Variants in BCL2 observed in about 807,000 individuals in gnomAD.
BCL2 encodes BCL2 apoptosis regulator.
A neutral mutation model predicts 14.2 loss-of-function variants in BCL2; 1 was observed. The observed-to-expected ratio is 0.07, with a 90% CI of 0.02 to 0.33. The LOEUF is 0.33. BCL2 is among the 10% of genes least tolerant of loss of function. BCL2 has a pLI of 0.99. For missense variants in BCL2, 247 were observed against 305.9 expected (o/e 0.81, Z 1.44); for synonymous variants, 151 against 137.2 (o/e 1.10, Z -0.70).
chr18:63,206,160 G>A (rs774642190), intron 2 of BCL2, among the ~76,000 whole-genome samples: 1 of 152,198 alleles, frequency 6.6e-6, no homozygotes, highest in East Asian at 1.9e-4. Flanking sequence ...GGATGTGCTC[G>A]GTAAGTGTGC....
At chr18:63,265,812 A>C (rs1019443604) in intron 2 of BCL2, among the ~76,000 whole-genome samples, 4 of 152,204 alleles carry the variant, frequency 2.6e-5, no homozygotes, top group African/African-American at 9.6e-5. Context: ...TAATAAAGAA[A>C]ATCAAGATAG....
intron 2 of BCL2, among the ~76,000 whole-genome samples, chr18:63,161,170 C>T (rs1914911153): frequency 6.6e-6 from 1 of 152,074 alleles, no homozygotes; most frequent in Non-Finnish European, 1.5e-5. Flanking sequence ...TGCCTCACAC[C>T]CTCTCGTAAG....
At chr18:63,169,311 C>CTTT (rs1568222484) in intron 2 of BCL2, among the ~76,000 whole-genome samples, 3,222 of 32,880 alleles carry the variant, frequency 0.098, 102 homozygotes, top group Middle Eastern at 0.15. Flanking sequence ...TTTCTTTCTT[C>CTTT]CTTCCTTCCT....
In BCL2 at chr18:63,168,145, G is replaced by A. The variant is rs560500439; in HGVS notation, c.586-39386C>T. On this transcript the variant is annotated intron_variant, in intron 2 of 2. Coordinates refer to ENST00000333681, the MANE Select transcript of BCL2 (RefSeq NM_000633.3). ...CCTAAAGGCAGAGGGGCCTATTGGA[G>A]AATGTGTCAAGAGTGCCCATGCCTC... Among the ~76,000 whole-genome samples, 3 of 152,212 alleles carry A rather than the reference G, an allele frequency of 2.0e-5. No homozygotes were observed. The South Asian group carries it at 6.2e-4, about 32-fold the overall frequency.
At chr18:63,268,683 TGG>T (rs1911911298) in intron 2 of BCL2, among the ~76,000 whole-genome samples, 1 of 152,222 alleles carries the variant, frequency 6.6e-6, no homozygotes, top group African/African-American at 2.4e-5. Flanking sequence ...AACTTCATTT[TGG>T]AGGTTTGTTG....
At chr18:63,246,474 A>C (rs530523858) in intron 2 of BCL2, among the ~76,000 whole-genome samples, 4 of 152,210 alleles carry the variant, frequency 2.6e-5, no homozygotes, top group Non-Finnish European at 5.9e-5. Context: ...AACAAGAGAA[A>C]ATAACAGAAC....
At chr18:63,156,036 C>G (rs952971957) in intron 2 of BCL2, among the ~76,000 whole-genome samples, 2 of 119,640 alleles carry the variant, frequency 1.7e-5, no homozygotes, top group African/African-American at 3.1e-5. Context: ...GACCAGAGAT[C>G]ATTTTAGCCC....
At chr18:63,277,493 G>T (rs1368231543) in intron 2 of BCL2, among the ~76,000 whole-genome samples, 1 of 151,866 alleles carries the variant, frequency 6.6e-6, no homozygotes, top group Admixed American at 6.6e-5. Flanking sequence ...GCCAGTGCAG[G>T]GTCTCATGAC....
chr18:63,260,350 T>C (rs1054247448), intron 2 of BCL2, among the ~76,000 whole-genome samples: 1 of 152,222 alleles, frequency 6.6e-6, no homozygotes, highest in Non-Finnish European at 1.5e-5. Context: ...GCAATATCTT[T>C]TGGATCTCCA....
At chr18:63,170,349 T>C (rs532287805) in intron 2 of BCL2, among the ~76,000 whole-genome samples, 4 of 152,250 alleles carry the variant, frequency 2.6e-5, no homozygotes, top group Admixed American at 1.3e-4. Context: ...TACAATAATA[T>C]AGCAATGAGC....
intron 2 of BCL2, among the ~76,000 whole-genome samples, chr18:63,277,424 G>C (rs1489466148): frequency 2.7e-5 from 4 of 150,594 alleles, no homozygotes; most frequent in African/African-American, 7.3e-5. Flanking sequence ...CTCAAGGTTA[G>C]GCATTTGAGA....
At chr18:63,307,232 C>T (rs1913170743) in intron 2 of BCL2, among the ~76,000 whole-genome samples, 1 of 152,188 alleles carries the variant, frequency 6.6e-6, no homozygotes, top group Non-Finnish European at 1.5e-5. Flanking sequence ...TATCCCAACT[C>T]ATATTAAATT....
At chr18:63,192,954 C>T (rs1909327205) in intron 2 of BCL2, among the ~76,000 whole-genome samples, 2 of 152,204 alleles carry the variant, frequency 1.3e-5, no homozygotes, top group African/African-American at 4.8e-5. Flanking sequence ...ATCAATTCTA[C>T]AGCCATACTT....
intron 2 of BCL2, among the ~76,000 whole-genome samples, chr18:63,198,686 CAG>C (rs1288081296): frequency 2.5e-5 from 3 of 119,706 alleles, no homozygotes; most frequent in Non-Finnish European, 3.3e-5. Context: ...ACAACAGACA[CAG>C]ACACACACAC....
chr18:63,216,931 AC>A (rs1910223369), intron 2 of BCL2, among the ~76,000 whole-genome samples: 1 of 152,176 alleles, frequency 6.6e-6, no homozygotes, highest in African/African-American at 2.4e-5. Context: ...CATTCTGAGA[AC>A]TGCCTTTTGT....
At chr18:63,199,458 C>T (rs909062491) in intron 2 of BCL2, among the ~76,000 whole-genome samples, 6 of 151,228 alleles carry the variant, frequency 4.0e-5, no homozygotes, top group East Asian at 3.9e-4. Context: ...CAGAGACACA[C>T]GCAGACAAAT....
Position 63,127,558 on chromosome 18 carries a change from C to T in BCL2, c.*1067G>A, listed in dbSNP as rs1913943306. The T allele has an allele frequency of 4.3e-6, 1 of 231,250 alleles. No individual in the cohort carries two copies. The highest frequency in any genetic ancestry group is 5.7e-5 in the Admixed American group (1 of 17,692). 14.3% of individuals were successfully genotyped at this position (231,250 alleles called of 1,614,324 possible). On this transcript the variant is annotated 3_prime_UTR_variant, in exon 3 of 3. Coordinates refer to ENST00000333681, the MANE Select transcript of BCL2 (RefSeq NM_000633.3). ...AGCTTCCAGACATTCGGAGACCACA[C>T]TGCCCTGTTGATCATCCCTGGAGGA...
At position 63,127,342 on chromosome 18, in the gene BCL2, C is replaced by G. The variant is rs1415663497; in HGVS notation, c.*1283G>C. ...CATTGCCTCTCCTCACGTTCCCAGCCTTCACCATGTCCTTCTGATAGGAAG... is the reference window on the plus strand; with the variant it reads ...CATTGCCTCTCCTCACGTTCCCAGCGTTCACCATGTCCTTCTGATAGGAAG... On this transcript the variant is annotated 3_prime_UTR_variant, in exon 3 of 3. Coordinates refer to ENST00000333681, the MANE Select transcript of BCL2 (RefSeq NM_000633.3). 4.3e-6 allele frequency: 1 copy of G among 232,982 alleles called. No individual in the cohort carries two copies. The highest frequency in any genetic ancestry group is 8.5e-6 in the Non-Finnish European group (1 of 117,852). The allele number at this position is 232,982 out of a possible 1,614,324, so 14.4% of individuals were successfully genotyped here. A position where few individuals can be genotyped will look rare whatever the true frequency, so the allele number is the denominator to read the frequency against.
chr18:63,259,643 A>G (rs1005083749), intron 2 of BCL2, among the ~76,000 whole-genome samples: 1 of 152,216 alleles, frequency 6.6e-6, no homozygotes, highest in Non-Finnish European at 1.5e-5. Context: ...CCCAGTGGTT[A>G]CCTTACCCAC....
Sources: allele counts gnomAD v4.1 joint callset (sites outside exome capture counted in the v4.1 genomes callset), GRCh38; gene constraint gnomAD v4.1.1; transcripts MANE v1.5; gene names NCBI Gene and HGNC (gene_info 2026-07-23, HGNC 2026-07-21).